SLFN12L: variants seen among roughly 807,000 people sequenced by gnomAD.
SLFN12L encodes schlafen family member 12 like, also known as schlafen family member 12-like.
A neutral mutation model predicts 34.8 loss-of-function variants in SLFN12L; 34 were observed. That is an observed-to-expected ratio of 0.98 (90% CI 0.74 to 1.30). The LOEUF (loss-of-function observed/expected upper bound fraction) is 1.30, where lower values mean the gene tolerates loss of function less well. Ranked by LOEUF, SLFN12L falls within the 50% of genes most tolerant of loss-of-function variation. The pLI is 0.00. For synonymous variants in SLFN12L, 259 were observed against 247.5 expected (o/e 1.05, Z -0.44); for missense variants, 703 against 696.2 (o/e 1.01, Z -0.11).
chr17:35,512,782 A>G (rs1915696245), intron 2 of SLFN12L, among the ~76,000 whole-genome samples: 1 of 152,248 alleles, frequency 6.6e-6, no homozygotes, highest in East Asian at 1.9e-4. Context: ...AATGAAGACG[A>G]TATCACTGCC....
intron 2 of SLFN12L, among the ~76,000 whole-genome samples, chr17:35,519,289 T>C (rs2142166302): frequency 6.6e-6 from 1 of 152,296 alleles, no homozygotes; most frequent in Admixed American, 6.5e-5. Context: ...CAAACTACCA[T>C]GGCACATGTA....
intron 2 of SLFN12L, among the ~76,000 whole-genome samples, chr17:35,481,463 TAA>T (rs999143971): frequency 2.6e-5 from 4 of 152,234 alleles, no homozygotes; most frequent in Non-Finnish European, 5.9e-5. Flanking sequence ...GTGAAAGTAC[TAA>T]AAGTCTTTGA....
chr17:35,497,469 C>T (rs550250651), intron 2 of SLFN12L, among the ~76,000 whole-genome samples: 1 of 152,002 alleles, frequency 6.6e-6, no homozygotes, highest in East Asian at 1.9e-4. Flanking sequence ...CAATGAGCCA[C>T]CTAGGCTTAG....
At chr17:35,514,575 T>C (rs1023075591) in intron 2 of SLFN12L, among the ~76,000 whole-genome samples, 3 of 152,110 alleles carry the variant, frequency 2.0e-5, no homozygotes, top group Admixed American at 6.5e-5. Context: ...AATGAAAAGA[T>C]CTCTATCAAA....
intron 2 of SLFN12L, among the ~76,000 whole-genome samples, chr17:35,516,853 A>G (rs991246963): frequency 3.3e-5 from 5 of 152,272 alleles, no homozygotes; most frequent in African/African-American, 7.2e-5. Flanking sequence ...TTTTAATAAA[A>G]TATTTTATTC....
intron 1 of SLFN12L, among the ~76,000 whole-genome samples, chr17:35,525,359 C>T (rs1384870136): frequency 6.6e-6 from 1 of 152,166 alleles, no homozygotes; most frequent in Non-Finnish European, 1.5e-5. Context: ...ATACAGAGAA[C>T]ACCACAAAGA....
intron 2 of SLFN12L, among the ~76,000 whole-genome samples, chr17:35,495,103 T>C (rs1265615162): frequency 3.9e-5 from 6 of 152,098 alleles, no homozygotes; most frequent in Non-Finnish European, 7.4e-5. Flanking sequence ...TTTTGCTATG[T>C]TGCCCAGGTT....
intron 2 of SLFN12L, among the ~76,000 whole-genome samples, chr17:35,507,944 C>G (rs1295503561): frequency 6.6e-6 from 1 of 152,254 alleles, no homozygotes; most frequent in East Asian, 1.9e-4. Context: ...GTCTTATGCC[C>G]AATTTCTGCC....
At chr17:35,495,596 G>A (rs1915024614) in intron 2 of SLFN12L, among the ~76,000 whole-genome samples, 1 of 152,128 alleles carries the variant, frequency 6.6e-6, no homozygotes. Flanking sequence ...AGGTGTCCCT[G>A]CTCCCCGCGC....
At chr17:35,512,621 C>T (rs2142159861) in intron 2 of SLFN12L, among the ~76,000 whole-genome samples, 1 of 152,258 alleles carries the variant, frequency 6.6e-6, no homozygotes, top group East Asian at 1.9e-4. Context: ...CTGCCTCGGC[C>T]TCCCAAAGTG....
chr17:35,530,411 A>G (rs74503082), intron 1 of SLFN12L, among the ~76,000 whole-genome samples: 7,784 of 18,002 alleles, frequency 0.43, 1,822 homozygotes, highest in Non-Finnish European at 0.54. Context: ...GGAAGGAAGG[A>G]AGGAAGGAAG....
chr17:35,509,099 A>C (rs753953477), intron 2 of SLFN12L, among the ~76,000 whole-genome samples: 1 of 152,210 alleles, frequency 6.6e-6, no homozygotes, highest in African/African-American at 2.4e-5. Context: ...GGGCTAAGAC[A>C]GGAAGTGATG....
chr17:35,514,712 T>A, intron 2 of SLFN12L: 1 of 378,690 alleles, frequency 2.6e-6, no homozygotes, highest in Non-Finnish European at 5.1e-6. Context: ...AACTACCAAG[T>A]TAAGACTTTT....
rs144214873 is a variant in SLFN12L, at chr17:35,467,486, C to G, written c.*7437G>C. Among the ~76,000 whole-genome samples, 1 of 152,304 alleles carries G rather than the reference C, an allele frequency of 6.6e-6. No individual in the cohort carries two copies. ...CACATTTCACATTGCAAAATACACA[C>G]TGAATGGGCTCCCGAAACAAACAGG... On this transcript the variant is annotated 3_prime_UTR_variant, in exon 5 of 5. Coordinates refer to ENST00000628453, the MANE Select transcript of SLFN12L (RefSeq NM_001363830.2).
rs1247611357 is a variant in SLFN12L at position 35,470,118 on chromosome 17, C to T, written c.*4805G>A. ...TCCATAAATCAAAACTTCAAGAGTACATTTTCATATAATATTTTATCAGGC... is the reference window on the plus strand; with the variant it reads ...TCCATAAATCAAAACTTCAAGAGTATATTTTCATATAATATTTTATCAGGC... On this transcript the variant is annotated 3_prime_UTR_variant, in exon 5 of 5. Transcript: ENST00000628453. 2 of 152,274 alleles carry T rather than the reference C, an allele frequency of 1.3e-5. No homozygotes were observed. Among genetic ancestry groups the T allele is most frequent in the East Asian group, 1.9e-4 (1 of 5,206 alleles). 9.4% of individuals were successfully genotyped at this position (152,274 alleles called of 1,614,324 possible). A position where few individuals can be genotyped will look rare whatever the true frequency, so the allele number is the denominator to read the frequency against.
intron 2 of SLFN12L, among the ~76,000 whole-genome samples, chr17:35,492,247 T>C (rs1422525260): frequency 1.3e-5 from 2 of 152,212 alleles, no homozygotes; most frequent in African/African-American, 4.8e-5. Context: ...CATGCTTCCA[T>C]TCCCAGAAGG....
intron 2 of SLFN12L, among the ~76,000 whole-genome samples, chr17:35,500,776 A>G (rs951939336): frequency 5.3e-5 from 8 of 151,696 alleles, no homozygotes; most frequent in African/African-American, 1.9e-4. Context: ...TATTTTATCT[A>G]TAGATTCCAG....
At chr17:35,489,863 G>C (rs1425507754) in intron 2 of SLFN12L, 3 of 714,450 alleles carry the variant, frequency 4.2e-6, no homozygotes, top group Non-Finnish European at 6.9e-6. Context: ...ATCTACTTCC[G>C]GAGAGGAACA....
rs1344004568 is a variant in SLFN12L at position 35,475,498 on chromosome 17, A to G, written c.1277-13T>C. 6.4e-7 allele frequency: 1 copy of G among 1,556,614 alleles called. No individual in the cohort carries two copies. Among genetic ancestry groups the G allele is most frequent in the East Asian group, 2.3e-5 (1 of 43,906 alleles). On this transcript the variant is annotated splice_polypyrimidine_tract_variant and intron_variant, in intron 4 of 4. Transcript: ENST00000628453. Reference sequence around the variant, plus strand: ...TTTTCTGATAGCCCTAGATGGGGAAATAATGATAAATTATAAAAGACTGAG... The same window carrying G: ...TTTTCTGATAGCCCTAGATGGGGAAGTAATGATAAATTATAAAAGACTGAG...
Sources: allele counts gnomAD v4.1 joint callset (sites outside exome capture counted in the v4.1 genomes callset), GRCh38; gene constraint gnomAD v4.1.1; transcripts MANE v1.5; gene names NCBI Gene and HGNC (gene_info 2026-07-23, HGNC 2026-07-21).